Variants in LHPP observed in about 807,000 individuals in gnomAD.
LHPP encodes the protein phospholysine phosphohistidine inorganic pyrophosphate phosphatase.
Under a neutral mutation model 30.3 loss-of-function variants are expected in LHPP, and 24 were observed. The observed-to-expected ratio is 0.79, with a 90% CI of 0.57 to 1.11. LHPP has a LOEUF of 1.11. LHPP is among the 50% of genes most tolerant of loss of function. LHPP has a pLI of 0.00. For missense variants in LHPP, 356 were observed against 367.2 expected (o/e 0.97, Z 0.25); for synonymous variants, 150 against 157.1 (o/e 0.95, Z 0.34).
At chr10:124,551,390 A>T (rs1948162535) in intron 6 of LHPP, among the ~76,000 whole-genome samples, 1 of 151,996 alleles carries the variant, frequency 6.6e-6, no homozygotes, top group African/African-American at 2.4e-5. Context: ...CCCGGCCCTC[A>T]CACTGACCCC....
intron 6 of LHPP, among the ~76,000 whole-genome samples, chr10:124,607,938 C>T (rs929080286): frequency 2.6e-5 from 4 of 152,194 alleles, no homozygotes; most frequent in African/African-American, 9.7e-5. Flanking sequence ...CTCCCCAGAC[C>T]CTAGTGGGAG....
At chr10:124,534,753 G>C (rs1385801592) in intron 6 of LHPP, among the ~76,000 whole-genome samples, 1 of 152,212 alleles carries the variant, frequency 6.6e-6, no homozygotes, top group Non-Finnish European at 1.5e-5. Flanking sequence ...GCTGCGGCGA[G>C]GGGGGTGCTC....
In LHPP at chr10:124,517,371, A is replaced by G; in HGVS notation, c.716+100A>G. On this transcript the variant is annotated intron_variant, in intron 6 of 6. Coordinates refer to ENST00000368842, the MANE Select transcript of LHPP (RefSeq NM_022126.4). This position sits in a 1 kb window ranked among gnomAD's most constrained non-coding sequence, Gnocchi z 4.1. ...AAAATAAAGGGGATATTCTTTCCAAATCAAAGAGCAGTATGTGGGCATTCA... is the reference window on the plus strand; with the variant it reads ...AAAATAAAGGGGATATTCTTTCCAAGTCAAAGAGCAGTATGTGGGCATTCA... The G allele has an allele frequency of 1.3e-6, 1 of 773,812 alleles. No individual in the cohort carries two copies. Among genetic ancestry groups the G allele is most frequent in the Non-Finnish European group, 2.0e-6 (1 of 503,570 alleles). 47.9% of individuals were successfully genotyped at this position (773,812 alleles called of 1,614,324 possible).
In LHPP at chr10:124,541,848, C is replaced by T. The variant is rs1167297538; in HGVS notation, c.716+24577C>T. ...CAGGCCCCGGCCCAGATGGGGTGAC[C>T]TTTCCTTCACCCCTACTTCCCCACT... On this transcript the variant is annotated intron_variant, in intron 6 of 6. Transcript: ENST00000368842. The surrounding 1 kb of genome is among the most constrained non-coding windows in gnomAD (Gnocchi z 4.2). Among the ~76,000 whole-genome samples, 1 of 152,092 alleles carries T rather than the reference C, an allele frequency of 6.6e-6. No homozygotes were observed. Among genetic ancestry groups the T allele is most frequent in the Non-Finnish European group, 1.5e-5 (1 of 67,968 alleles).
At chr10:124,561,375 T>C (rs1948391767) in intron 6 of LHPP, among the ~76,000 whole-genome samples, 1 of 151,590 alleles carries the variant, frequency 6.6e-6, no homozygotes, top group African/African-American at 2.4e-5. Flanking sequence ...GGGAATGAGG[T>C]CCCCCAGCTG....
intron 6 of LHPP, among the ~76,000 whole-genome samples, chr10:124,559,761 GT>G (rs1948361758): frequency 6.6e-6 from 1 of 152,262 alleles, no homozygotes; most frequent in Non-Finnish European, 1.5e-5. Context: ...GAAGTGCTGG[GT>G]TTTCCTGCAT....
chr10:124,559,430 C>T (rs1037047976), intron 6 of LHPP, among the ~76,000 whole-genome samples: 5 of 152,228 alleles, frequency 3.3e-5, no homozygotes, highest in African/African-American at 9.6e-5. Context: ...GCTACACCTA[C>T]GGACCTGCAC....
intron 6 of LHPP, among the ~76,000 whole-genome samples, chr10:124,520,068 C>T (rs947683749): frequency 6.6e-5 from 10 of 151,990 alleles, no homozygotes; most frequent in African/African-American, 2.4e-4. Context: ...CTCCTGACCC[C>T]GTGATCTGCC....
chr10:124,494,230 C>T (rs1038578677), intron 3 of LHPP, among the ~76,000 whole-genome samples: 11 of 152,248 alleles, frequency 7.2e-5, no homozygotes, highest in African/African-American at 1.4e-4. Context: ...GAAGTGGCGC[C>T]GCGTGGGTCC....
chr10:124,484,381 G>T (rs1953251606), intron 2 of LHPP, 55 bp downstream of exon 2: 1 of 1,530,254 alleles, frequency 6.5e-7, no homozygotes, highest in Non-Finnish European at 9.0e-7. Flanking sequence ...CTTTCCCAGG[G>T]TGGGGGCTGT....
chr10:124,577,292 A>AC (rs1948676564), intron 6 of LHPP, among the ~76,000 whole-genome samples: 1 of 151,974 alleles, frequency 6.6e-6, no homozygotes, highest in South Asian at 2.1e-4. Context: ...CCCAGCGTCC[A>AC]CCCCAGCCTC....
intron 5 of LHPP, chr10:124,498,828 C>A: frequency 2.8e-6 from 1 of 351,292 alleles, no homozygotes; most frequent in South Asian, 1.9e-5. Context: ...CCCCCCCCCG[C>A]CAACCCCAAC....
chr10:124,498,872 G>A (rs1465108515), intron 5 of LHPP: 2 of 194,578 alleles, frequency 1.0e-5, no homozygotes, highest in East Asian at 2.0e-4. Flanking sequence ...ATGCCACCAC[G>A]CCTGGCAAAC....
intron 6 of LHPP, among the ~76,000 whole-genome samples, chr10:124,520,921 C>T (rs1331054069): frequency 2.0e-5 from 3 of 152,206 alleles, no homozygotes; most frequent in African/African-American, 7.2e-5. Flanking sequence ...TTTATATCGG[C>T]TGCATGTTGA....
intron 3 of LHPP, among the ~76,000 whole-genome samples, chr10:124,494,080 A>C (rs987542577): frequency 6.6e-6 from 1 of 152,216 alleles, no homozygotes; most frequent in Admixed American, 6.5e-5. Context: ...AAAGATTAGC[A>C]TGCAAAGACA....
chr10:124,553,540 G>A (rs1380549136), intron 6 of LHPP, among the ~76,000 whole-genome samples: 1 of 131,774 alleles, frequency 7.6e-6, no homozygotes, highest in Non-Finnish European at 1.5e-5. Context: ...CTCACTGCAA[G>A]CTCCGCCTCC....
At chr10:124,526,308 A>G (rs897287) in intron 6 of LHPP, 885,337 of 894,962 alleles carry the variant, frequency 0.99, 438,535 homozygotes, top group Non-Finnish European at 1. Context: ...ACACACACTC[A>G]GCCTCAGCTC....
At chr10:124,560,408 T>A (rs1309301347) in intron 6 of LHPP, among the ~76,000 whole-genome samples, 3 of 152,244 alleles carry the variant, frequency 2.0e-5, no homozygotes, top group Non-Finnish European at 4.4e-5. Context: ...CATGTACTTG[T>A]TAGCTTTGAA....
At chr10:124,604,434 A>T (rs1373806803) in intron 6 of LHPP, among the ~76,000 whole-genome samples, 1 of 152,198 alleles carries the variant, frequency 6.6e-6, no homozygotes, top group Non-Finnish European at 1.5e-5. Flanking sequence ...CCATGGGCAC[A>T]GGCCTAGTGT....
Sources: allele counts gnomAD v4.1 joint callset (sites outside exome capture counted in the v4.1 genomes callset), GRCh38; gene constraint gnomAD v4.1.1; non-coding constraint Gnocchi (gnomAD v3.1); transcripts MANE v1.5; gene names NCBI Gene and HGNC (gene_info 2026-07-23, HGNC 2026-07-21).